IPPK: variants seen among roughly 807,000 people sequenced by gnomAD.
IPPK encodes IPK1 homolog.
In IPPK, 22 loss-of-function variants were observed where a neutral mutation model predicts 64.6. The observed-to-expected ratio is 0.34, with a 90% confidence interval of 0.24 to 0.49. The LOEUF is 0.49. Among genes scored for constraint, IPPK ranks in the 20% least tolerant of loss-of-function variants. The pLI, the probability that IPPK is intolerant of heterozygous loss-of-function variation, is 0.99. For synonymous variants in IPPK, 262 were observed against 247.2 expected (o/e 1.06, Z -0.56); for missense variants, 532 against 630.7 (o/e 0.84, Z 1.68).
At position 92,638,131 on chromosome 9, in the gene IPPK, C is replaced by T. The variant is rs1357508613; in HGVS notation, c.786G>A (p.Val262=). 1 of 1,614,076 alleles carries T rather than the reference C, an allele frequency of 6.2e-7. No individual in the cohort carries two copies. The highest frequency in any genetic ancestry group is 8.5e-7 in the Non-Finnish European group (1 of 1,180,046). ...TCAGCAGCACCCGTGTGATCACGTG[C>T]ACCAGCTCCCTGATCACAGCCCTTG... ...HCTRAVIREL[V]HVITRVLLSG... The change falls in exon 9 of 13, where the codon GTG becomes GTA. Residue 262 remains valine (V), a synonymous_variant. Coordinates refer to ENST00000287996, the MANE Select transcript of IPPK (RefSeq NM_022755.6).
intron 4 of IPPK, 124 bp downstream of exon 4, chr9:92,652,448 CA>C (rs376104704): frequency 0.16 from 34,393 of 215,652 alleles, 74 homozygotes; most frequent in East Asian, 0.2. Context: ...GACTCCGTCT[CA>C]AAAAAAAAAA....
chr9:92,618,053 A>C (rs1588328532), intron 12 of IPPK: 3 of 352,738 alleles, frequency 8.5e-6, no homozygotes, highest in Non-Finnish European at 1.7e-5. Context: ...GATAAATCCC[A>C]GCCTTAGTTT....
In IPPK at chr9:92,669,982, C is replaced by G. The variant is rs1027899061; in HGVS notation, c.7G>C (p.Glu3Gln). The G allele has an allele frequency of 2.5e-6, 4 of 1,611,384 alleles. No individual in the cohort carries two copies. Among genetic ancestry groups the G allele is most frequent in the Non-Finnish European group, 3.4e-6 (4 of 1,178,908 alleles). ...CATTCATTCTCGTCCATCTTCCCCT[C>G]TTCCATGCCCAGGCGCAGCCCTGGC... ME[E>Q]GKMDENEWGY... The change falls in exon 1 of 13, where the codon GAG (glutamate) becomes CAG (glutamine). Residue 3 changes from glutamate (E) to glutamine (Q), a missense_variant. Physicochemically the swap from Glu to Gln is conservative, Grantham distance 29 (BLOSUM62 2). Coordinates refer to ENST00000287996, the MANE Select transcript of IPPK (RefSeq NM_022755.6).
rs192012541 is a variant in IPPK, at chr9:92,648,068, C to G, written c.495G>C (p.Gln165His). The G allele has an allele frequency of 6.2e-7, 1 of 1,612,262 alleles. No homozygotes were observed. Among genetic ancestry groups the G allele is most frequent in the Admixed American group, 1.7e-5 (1 of 59,888 alleles). ...KHKVCRYCMH[Q>H]HLKVATGKWK... is the part of the protein sequence containing the mutation. ...GGGCATTGGCTCTCACCTTGAGGTG[C>G]TGGTGCATGCAGTATCGACAGACCT... The change falls in exon 6 of 13, where the codon CAG becomes CAC. Residue 165 changes from glutamine to histidine, a missense_variant. By Grantham distance (24) the Gln-to-His change is conservative. Transcript: ENST00000287996.
intron 1 of IPPK, among the ~76,000 whole-genome samples, chr9:92,661,053 T>A (rs1852472350): frequency 6.6e-6 from 1 of 152,184 alleles, no homozygotes; most frequent in Admixed American, 6.5e-5. Flanking sequence ...TATTAATAAT[T>A]ATTATTGCAA....
intron 11 of IPPK, among the ~76,000 whole-genome samples, chr9:92,626,313 T>G (rs1193458831): frequency 6.6e-6 from 1 of 151,928 alleles, no homozygotes; most frequent in Non-Finnish European, 1.5e-5. Context: ...AGGAGAATGG[T>G]GTGAACCCAG....
chr9:92,640,783 C>G lies in IPPK; in HGVS notation c.564-1G>C. ...GGCAAAGTGCATTCTCTGTTTGTTT[C>G]TAAAAGGGAAAAGCATTAACATGCT... On this transcript the variant is annotated splice_acceptor_variant, in intron 7 of 12. Transcript: ENST00000287996. LOFTEE classifies it high-confidence loss of function. The G allele has an allele frequency of 6.2e-7, 1 of 1,608,702 alleles. No homozygotes were observed. Among genetic ancestry groups the G allele is most frequent in the Non-Finnish European group, 8.5e-7 (1 of 1,175,132 alleles).
At position 92,613,192 on chromosome 9, in the gene IPPK, G is replaced by C. The variant is rs373734749; in HGVS notation, c.*2640C>G. Reference sequence around the variant, plus strand: ...TGGAGGATGAAGATGCTGCGTGGAGGAACATGCAATTTTATTCAATATAAA... The same window carrying C: ...TGGAGGATGAAGATGCTGCGTGGAGCAACATGCAATTTTATTCAATATAAA... On this transcript the variant is annotated 3_prime_UTR_variant, in exon 13 of 13. Coordinates refer to ENST00000287996, the MANE Select transcript of IPPK (RefSeq NM_022755.6). The C allele has an allele frequency of 2.5e-6, 4 of 1,611,360 alleles. No homozygotes were observed. Among genetic ancestry groups the C allele is most frequent in the Admixed American group, 1.7e-5 (1 of 59,932 alleles).
intron 7 of IPPK, among the ~76,000 whole-genome samples, 199 bp from the exon 8 acceptor site, chr9:92,640,981 A>G (rs1852035037): frequency 6.6e-6 from 1 of 152,144 alleles, no homozygotes; most frequent in Non-Finnish European, 1.5e-5. Flanking sequence ...AGGGTCACAG[A>G]TGCAGCTCCA....
Position 92,615,487 on chromosome 9 carries a change from T to C in IPPK, c.*345A>G, listed in dbSNP as rs1003325857. The C allele has an allele frequency of 8.8e-6, 2 of 227,534 alleles. No individual in the cohort carries two copies. The highest frequency in any genetic ancestry group is 1.7e-5 in the Non-Finnish European group (2 of 115,520). The allele number at this position is 227,534 out of a possible 1,614,324, so 14.1% of individuals were successfully genotyped here. ...ATGTTAGGAGTCTGGTGGTAGCAGA[T>C]CCAAACCTTGGGTCTTAGAATAAGG... On this transcript the variant is annotated 3_prime_UTR_variant, in exon 13 of 13. Coordinates refer to ENST00000287996, the MANE Select transcript of IPPK (RefSeq NM_022755.6).
intron 1 of IPPK, among the ~76,000 whole-genome samples, chr9:92,662,736 G>A (rs1852511329): frequency 6.6e-6 from 1 of 152,132 alleles, no homozygotes; most frequent in Non-Finnish European, 1.5e-5. Flanking sequence ...ACAACAGGAA[G>A]AACAAGAGGA....
intron 1 of IPPK, among the ~76,000 whole-genome samples, chr9:92,667,097 A>C (rs1229601506): frequency 6.6e-6 from 1 of 152,096 alleles, no homozygotes; most frequent in Non-Finnish European, 1.5e-5. Context: ...TCAGCACAGG[A>C]CTCATTAGGG....
At chr9:92,621,918 G>C (rs1315972088) in intron 11 of IPPK, among the ~76,000 whole-genome samples, 1 of 152,120 alleles carries the variant, frequency 6.6e-6, no homozygotes. Context: ...GCTGAACACA[G>C]ACATTACAAA....
Position 92,640,802 on chromosome 9 carries a change from A to G in IPPK, c.564-20T>C. ...TTGTTTCTAAAAGGGAAAAGCATTA[A>G]CATGCTTTAAATGCAGCTGGAACTG... On this transcript the variant is annotated intron_variant, in intron 7 of 12. Coordinates refer to ENST00000287996, the MANE Select transcript of IPPK (RefSeq NM_022755.6). 1.3e-6 allele frequency: 2 copies of G among 1,557,266 alleles called. No homozygotes were observed. Among genetic ancestry groups the G allele is most frequent in the Non-Finnish European group, 1.8e-6 (2 of 1,128,358 alleles).
intron 8 of IPPK, 113 bp from the exon 9 acceptor site, chr9:92,638,393 G>T: frequency 8.1e-7 from 1 of 1,228,238 alleles, no homozygotes. Flanking sequence ...GGGCCCTGAT[G>T]CTGTCCACCC....
intron 6 of IPPK, among the ~76,000 whole-genome samples, chr9:92,643,627 C>T (rs926025924): frequency 2.7e-5 from 4 of 149,172 alleles, no homozygotes; most frequent in African/African-American, 9.8e-5. Flanking sequence ...AATATCCATG[C>T]ATATATCCAA....
In IPPK at chr9:92,613,281, A is replaced by AT; in HGVS notation, c.*2550dup. 1.0e-6 allele frequency: 1 copy of AT among 965,990 alleles called. No homozygotes were observed. Among genetic ancestry groups the AT allele is most frequent in the South Asian group, 1.6e-5 (1 of 61,722 alleles). 59.8% of individuals were successfully genotyped at this position (965,990 alleles called of 1,614,324 possible). On this transcript the variant is annotated 3_prime_UTR_variant, in exon 13 of 13. Coordinates refer to ENST00000287996, the MANE Select transcript of IPPK (RefSeq NM_022755.6). The stretch of plus-strand genomic sequence containing the variant: ...CGTGCTGTCTATGCAGTTATGGCAC[A>AT]TTATATGGAAACTCTCATGACATGA...
chr9:92,656,201 C>A (rs1196788297), intron 3 of IPPK, among the ~76,000 whole-genome samples: 1 of 152,042 alleles, frequency 6.6e-6, no homozygotes, highest in Non-Finnish European at 1.5e-5. Flanking sequence ...CCAGCAGGAG[C>A]CTTCAGGAGG....
chr9:92,613,548 G>A lies in IPPK; in HGVS notation c.*2284C>T. Reference sequence around the variant, plus strand: ...CTGGTTCCTGCCTCCTGGGGGCTCTGGAGACGGATGCCTATGGCGCCTCAT... The same window carrying A: ...CTGGTTCCTGCCTCCTGGGGGCTCTAGAGACGGATGCCTATGGCGCCTCAT... On this transcript the variant is annotated 3_prime_UTR_variant, in exon 13 of 13. Coordinates refer to ENST00000287996, the MANE Select transcript of IPPK (RefSeq NM_022755.6). The A allele has an allele frequency of 4.8e-6, 1 of 209,370 alleles. No homozygotes were observed. The highest frequency in any genetic ancestry group is 5.2e-5 in the Admixed American group (1 of 19,346). The allele number at this position is 209,370 out of a possible 1,614,324, so 13.0% of individuals were successfully genotyped here.
Sources: allele counts gnomAD v4.1 joint callset (sites outside exome capture counted in the v4.1 genomes callset), GRCh38; gene constraint gnomAD v4.1.1; transcripts MANE v1.5; gene names NCBI Gene and HGNC (gene_info 2026-07-23, HGNC 2026-07-21).